Variants in NLGN4X observed in about 807,000 individuals in gnomAD.
NLGN4X encodes neuroligin 4 X-linked, also known as neuroligin-4, X-linked.
Under a neutral mutation model 40.3 loss-of-function variants are expected in NLGN4X, and 3 were observed. That is an observed-to-expected ratio of 0.07 (90% CI 0.03 to 0.19). The LOEUF is 0.19. Among genes scored for constraint, NLGN4X ranks in the 10% least tolerant of loss-of-function variants. The pLI is 1.00. For synonymous variants in NLGN4X, 270 were observed against 306.8 expected (o/e 0.88, Z 1.25); for missense variants, 382 against 708.3 (o/e 0.54, Z 5.23).
intron 1 of NLGN4X, among the ~76,000 whole-genome samples, chrX:6,216,344 A>C (rs891224760): frequency 8.9e-6 from 1 of 112,171 alleles, no homozygotes; most frequent in South Asian, 3.7e-4. Flanking sequence ...AGCTGGCTTC[A>C]CTGAACATAA....
intron 3 of NLGN4X, among the ~76,000 whole-genome samples, chrX:6,014,905 G>A (rs750991377): frequency 9.0e-6 from 1 of 111,649 alleles, no homozygotes; most frequent in East Asian, 2.8e-4. Context: ...GATATTCTCA[G>A]GGACTCTGTG....
chrX:6,080,721 G>A (rs368723415), intron 2 of NLGN4X, among the ~76,000 whole-genome samples: 19 of 112,066 alleles, frequency 1.7e-4, no homozygotes, highest in African/African-American at 3.6e-4. Flanking sequence ...TTATCAATAC[G>A]GGAGAGACTG....
At chrX:5,931,011 A>C (rs2033527022) in intron 3 of NLGN4X, among the ~76,000 whole-genome samples, 1 of 111,545 alleles carries the variant, frequency 9.0e-6, no homozygotes, top group Non-Finnish European at 1.9e-5. Flanking sequence ...TCATGGCAGT[A>C]AATGTTCCAT....
At chrX:5,992,961 T>C (rs930336400) in intron 3 of NLGN4X, among the ~76,000 whole-genome samples, 5 of 111,466 alleles carry the variant, frequency 4.5e-5, no homozygotes, top group Non-Finnish European at 9.4e-5. Context: ...AACGTGAGAT[T>C]TGGAGAAGAC....
chrX:6,225,261 C>A (rs1321122763), intron 1 of NLGN4X, among the ~76,000 whole-genome samples: 1 of 107,716 alleles, frequency 9.3e-6, no homozygotes, highest in African/African-American at 3.4e-5. Context: ...ATCCCTCCCC[C>A]ACTTAACATT....
chrX:6,044,106 AAAATAAAT>A (rs36167131), intron 2 of NLGN4X, among the ~76,000 whole-genome samples: 7 of 96,407 alleles, frequency 7.3e-5, no homozygotes, highest in Admixed American at 1.2e-4. Context: ...GTTTCTATTA[AAAATAAAT>A]AAATAAATAA....
chrX:5,926,934 T>TTCTTTCTATCTA (rs1555921576), intron 3 of NLGN4X, among the ~76,000 whole-genome samples: 1 of 96,869 alleles, frequency 1.0e-5, no homozygotes, highest in Non-Finnish European at 2.1e-5. Context: ...TCTCTATATC[T>TTCTTTCTATCTA]TCTATCTATC....
intron 3 of NLGN4X, among the ~76,000 whole-genome samples, chrX:6,004,414 T>G (rs1352965645): frequency 8.9e-6 from 1 of 111,823 alleles, no homozygotes; most frequent in African/African-American, 3.2e-5. Flanking sequence ...AAACAAAACT[T>G]TTCCTCATAT....
intron 2 of NLGN4X, among the ~76,000 whole-genome samples, chrX:6,109,754 AAAAC>A (rs1231946122): frequency 4.5e-5 from 5 of 111,969 alleles, no homozygotes; most frequent in Non-Finnish European, 7.5e-5. Context: ...CGAAAAAATA[AAAAC>A]AAACAAACAT....
rs999173635 is a variant in NLGN4X, at chrX:5,892,852, T to C, written c.2416A>G (p.Asn806Asp). ...NTFSGGQNST[N>D]LPHGHSTTRV ...GTGGTGGAATGTCCGTGGGGTAAATTTGTACTGTTTTGTCCTCCACTGAAG... is the reference window on the plus strand; with the variant it reads ...GTGGTGGAATGTCCGTGGGGTAAATCTGTACTGTTTTGTCCTCCACTGAAG... Residue 806 changes from asparagine to aspartate, a missense_variant, in exon 6 of 6, where the codon AAT (asparagine) becomes GAT (aspartate). Around this residue, in one of 5 missense-constraint regions of NLGN4X, gnomAD observed 57 missense variants for 65.6 expected, o/e 0.87. Transcript: ENST00000381095. 6.6e-6 allele frequency: 8 copies of C among 1,211,037 alleles called. No individual in the cohort carries two copies. Among genetic ancestry groups the C allele is most frequent in the Non-Finnish European group, 8.9e-6 (8 of 895,344 alleles).
intron 1 of NLGN4X, among the ~76,000 whole-genome samples, chrX:6,156,508 CAAAAAAACAAAACAAACAAACAA>C (rs1331801655): frequency 1.8e-5 from 2 of 110,667 alleles, no homozygotes; most frequent in African/African-American, 6.6e-5. Context: ...GACTCCGTCT[CAAAAAAACAAAACAAACAAACAA>C]AAAAAAACAA....
intron 1 of NLGN4X, among the ~76,000 whole-genome samples, chrX:6,223,945 C>T (rs1420835346): frequency 1.8e-5 from 2 of 112,739 alleles, no homozygotes; most frequent in African/African-American, 3.2e-5. Context: ...TTAAACTAAA[C>T]TGAACATATT....
chrX:5,948,041 CA>C (rs1340240794), intron 3 of NLGN4X, among the ~76,000 whole-genome samples: 1 of 110,352 alleles, frequency 9.1e-6, no homozygotes, highest in East Asian at 2.8e-4. Context: ...GCCAACTTTC[CA>C]AAAAACGTTC....
intron 2 of NLGN4X, among the ~76,000 whole-genome samples, chrX:6,030,870 G>A (rs1312042324): frequency 8.9e-6 from 1 of 111,791 alleles, no homozygotes; most frequent in East Asian, 2.8e-4. Flanking sequence ...GCTTCTTTCT[G>A]GTTCCTAATT....
intron 1 of NLGN4X, among the ~76,000 whole-genome samples, chrX:6,194,569 G>C (rs1922878296): frequency 9.0e-6 from 1 of 111,523 alleles, no homozygotes; most frequent in African/African-American, 3.3e-5. Context: ...TTAATACAAA[G>C]TAGATAAGGC....
Position 6,056,423 on chromosome X carries a change from C to CG in NLGN4X, c.473-26992dup, listed in dbSNP as rs753779864. Among the ~76,000 whole-genome samples, 205 of 108,950 alleles carry CG rather than the reference C, an allele frequency of 1.9e-3. 1 individual carries two copies. Among genetic ancestry groups the CG allele is most frequent in the African/African-American group, 6.2e-3 (186 of 29,869 alleles). 94.6% of individuals were successfully genotyped at this position (108,950 alleles called of 115,157 possible). A position where few individuals can be genotyped will look rare whatever the true frequency, so the allele number is the denominator to read the frequency against. On this transcript the variant is annotated intron_variant, in intron 2 of 5. Coordinates refer to ENST00000381095, the MANE Select transcript of NLGN4X (RefSeq NM_181332.3). ...CCTGGGAGGCGGAGGTTGTAGGGAG[C>CG]GGGGATCGCGCCACTGCACTCCAGC...
At chrX:5,939,150 T>A (rs2033831485) in intron 3 of NLGN4X, among the ~76,000 whole-genome samples, 1 of 111,267 alleles carries the variant, frequency 9.0e-6, no homozygotes, top group African/African-American at 3.3e-5. Context: ...ACATTCCATC[T>A]GCATGGAGAA....
intron 2 of NLGN4X, among the ~76,000 whole-genome samples, chrX:6,045,013 A>G (rs1392684947): frequency 8.9e-6 from 1 of 112,239 alleles, no homozygotes; most frequent in African/African-American, 3.2e-5. Flanking sequence ...GCATACTCCA[A>G]TAAAATATAA....
intron 3 of NLGN4X, among the ~76,000 whole-genome samples, chrX:5,921,133 TTATATATATATATACATA>T (rs1183745678): frequency 4.6e-5 from 3 of 65,014 alleles, no homozygotes; most frequent in Non-Finnish European, 8.0e-5. Context: ...TAAGTATTTT[TTATATATATATATACATA>T]TATATATATA....
Sources: gnomAD v4.1 joint callset for allele counts (sites outside exome capture counted in the v4.1 genomes callset) on GRCh38, gnomAD v4.1.1 for gene constraint, gnomAD v4.1.1 regional missense constraint, MANE v1.5 for transcripts, NCBI Gene and HGNC (gene_info 2026-07-23, HGNC 2026-07-21) for gene names.